SPAG16: variants seen among roughly 807,000 people sequenced by gnomAD.
SPAG16 encodes sperm-associated antigen 16 protein.
A neutral mutation model predicts 80.4 loss-of-function variants in SPAG16; 86 were observed. That is an observed-to-expected ratio of 1.07 (90% confidence interval 0.90 to 1.28). SPAG16 has a LOEUF of 1.28. Ranked by LOEUF, SPAG16 falls within the 50% of genes most tolerant of loss-of-function variation. SPAG16 has a pLI of 0.00. For synonymous variants in SPAG16, 294 were observed against 265.9 expected, an observed-to-expected ratio of 1.11 and a Z score of -1.03; for missense variants, 870 against 765.3, an observed-to-expected ratio of 1.14 and a Z score of -1.61.
intron 11 of SPAG16, among the ~76,000 whole-genome samples, chr2:213,910,909 C>T (rs1222750609): frequency 6.6e-6 from 1 of 152,090 alleles, no homozygotes; most frequent in Non-Finnish European, 1.5e-5. Context: ...ATTAAATAAA[C>T]TGTCCAAGAT....
chr2:213,772,225 A>G (rs2247543), intron 10 of SPAG16, among the ~76,000 whole-genome samples: 9,695 of 152,140 alleles, frequency 0.064, 1,028 homozygotes, highest in African/African-American at 0.22. Context: ...GAGTTAATTC[A>G]TGATTTGGCT....
At chr2:213,872,510 T>A (rs1349928050) in intron 11 of SPAG16, among the ~76,000 whole-genome samples, 1 of 152,166 alleles carries the variant, frequency 6.6e-6, no homozygotes, top group Non-Finnish European at 1.5e-5. Flanking sequence ...CTTCTCTATA[T>A]ACAAGATCAT....
At chr2:214,273,431 C>T (rs930291842) in intron 15 of SPAG16, among the ~76,000 whole-genome samples, 5 of 152,136 alleles carry the variant, frequency 3.3e-5, no homozygotes, top group Admixed American at 6.5e-5. Context: ...TTAGGTCTAA[C>T]ATTTAAGTCT....
intron 14 of SPAG16, among the ~76,000 whole-genome samples, chr2:214,146,078 G>C (rs1312179161): frequency 1.3e-5 from 2 of 152,106 alleles, no homozygotes; most frequent in Non-Finnish European, 2.9e-5. Context: ...CTTTCATTAA[G>C]ATTGTCATGA....
chr2:214,229,897 T>C (rs892960596), intron 15 of SPAG16, among the ~76,000 whole-genome samples: 10 of 151,938 alleles, frequency 6.6e-5, no homozygotes, highest in African/African-American at 1.9e-4. Context: ...ATAACAAGTG[T>C]CAGCAAAATG....
intron 7 of SPAG16, among the ~76,000 whole-genome samples, chr2:213,352,831 C>T (rs1321710005): frequency 1.3e-5 from 2 of 152,132 alleles, no homozygotes; most frequent in Non-Finnish European, 2.9e-5. Flanking sequence ...TCTTTGAACT[C>T]CTACTCCTGC....
At chr2:214,279,607 G>C (rs569289134) in intron 15 of SPAG16, among the ~76,000 whole-genome samples, 252 of 152,260 alleles carry the variant, frequency 1.7e-3, no homozygotes, top group Non-Finnish European at 2.9e-3. Context: ...GAAAGATACA[G>C]AAGGAACCCC....
chr2:213,528,311 G>T (rs1202023611), intron 10 of SPAG16, among the ~76,000 whole-genome samples: 1 of 152,022 alleles, frequency 6.6e-6, no homozygotes, highest in Non-Finnish European at 1.5e-5. Flanking sequence ...GGCAGGGGGT[G>T]GGGGTAAGAA....
chr2:214,066,480 C>T (rs2050534416), intron 13 of SPAG16, among the ~76,000 whole-genome samples: 1 of 152,088 alleles, frequency 6.6e-6, no homozygotes, highest in African/African-American at 2.4e-5. Context: ...TTACTTATAC[C>T]TACATTTATT....
chr2:214,294,399 T>C (rs1231409527), intron 15 of SPAG16, among the ~76,000 whole-genome samples: 1 of 152,240 alleles, frequency 6.6e-6, no homozygotes, highest in African/African-American at 2.4e-5. Flanking sequence ...ATAATTTCTC[T>C]GTTGAATATT....
At chr2:213,634,819 C>G (rs1216305983) in intron 10 of SPAG16, among the ~76,000 whole-genome samples, 1 of 152,024 alleles carries the variant, frequency 6.6e-6, no homozygotes, top group Non-Finnish European at 1.5e-5. Flanking sequence ...ATCTTCATAC[C>G]TTACCTCCCA....
At chr2:213,363,401 TAAAG>T (rs1254785118) in intron 7 of SPAG16, among the ~76,000 whole-genome samples, 1 of 152,078 alleles carries the variant, frequency 6.6e-6, no homozygotes, top group Non-Finnish European at 1.5e-5. Flanking sequence ...TTTCTATTAA[TAAAG>T]AAATATTACT....
intron 9 of SPAG16, among the ~76,000 whole-genome samples, chr2:213,428,767 G>T (rs2070103414): frequency 6.6e-6 from 1 of 152,134 alleles, no homozygotes; most frequent in South Asian, 2.1e-4. Flanking sequence ...CCTTTATTGG[G>T]TTGGGGAGTG....
chr2:214,303,817 T>C (rs1051366813), intron 15 of SPAG16, among the ~76,000 whole-genome samples: 2 of 152,218 alleles, frequency 1.3e-5, no homozygotes, highest in Non-Finnish European at 2.9e-5. Context: ...TTTTGGTTTT[T>C]AAAATTTTTC....
chr2:213,450,411 C>T (rs528485013), intron 9 of SPAG16, among the ~76,000 whole-genome samples: 3 of 152,308 alleles, frequency 2.0e-5, no homozygotes, highest in South Asian at 2.1e-4. Context: ...ATTATATCTT[C>T]GTTTAACTTG....
intron 9 of SPAG16, among the ~76,000 whole-genome samples, chr2:213,438,145 T>C (rs958306263): frequency 1.2e-4 from 19 of 152,228 alleles, no homozygotes; most frequent in African/African-American, 4.6e-4. Flanking sequence ...TTGCCTGTTA[T>C]CTTTTATTTT....
chr2:213,780,571 C>CTTT lies in SPAG16; in HGVS notation c.1071-81898_1071-81896dup, dbSNP rs367744311. ...AGGTCCAAACATTTTTCTTTTCTTT[C>CTTT]TTTTTTTTTTTTTTTTTTGGTGGTG... On this transcript the variant is annotated intron_variant, in intron 10 of 15. Transcript: ENST00000331683. 7.9e-3 allele frequency among the ~76,000 whole-genome samples: 989 copies of CTTT among 124,536 alleles called. 9 individuals are homozygous for CTTT. Among genetic ancestry groups the CTTT allele is most frequent in the Middle Eastern group, 0.014 (3 of 214 alleles). 81.7% of individuals were successfully genotyped at this position (124,536 alleles called of 152,430 possible).
At chr2:213,412,202 G>A (rs955031337) in intron 9 of SPAG16, among the ~76,000 whole-genome samples, 1 of 151,934 alleles carries the variant, frequency 6.6e-6, no homozygotes, top group African/African-American at 2.4e-5. Context: ...TATCTGCTCT[G>A]CCCTGACTCC....
At chr2:213,801,286 A>T (rs2071381824) in intron 10 of SPAG16, among the ~76,000 whole-genome samples, 1 of 152,190 alleles carries the variant, frequency 6.6e-6, no homozygotes, top group Non-Finnish European at 1.5e-5. Context: ...CTATTTCCTA[A>T]TTTATGATTC....
Sources: gnomAD v4.1 joint callset for allele counts (sites outside exome capture counted in the v4.1 genomes callset) on GRCh38, gnomAD v4.1.1 for gene constraint, MANE v1.5 for transcripts, NCBI Gene and HGNC (gene_info 2026-07-23, HGNC 2026-07-21) for gene names.